Variants in SLC4A4 observed in about 807,000 individuals in gnomAD.
SLC4A4 encodes the protein electrogenic sodium bicarbonate cotransporter 1.
A neutral mutation model predicts 111.5 loss-of-function variants in SLC4A4; 27 were observed. That is an observed-to-expected ratio of 0.24 (90% CI 0.18 to 0.33). The LOEUF (loss-of-function observed/expected upper bound fraction) is 0.33. Among genes scored for constraint, SLC4A4 ranks in the 10% least tolerant of loss-of-function variants. The pLI is 1.00. For synonymous variants in SLC4A4, 443 were observed against 463.4 expected (o/e 0.96, Z 0.57); for missense variants, 909 against 1,315.5 (o/e 0.69, Z 4.78).
At chr4:71,100,318 G>T (rs77871950) in intron 2 of SLC4A4, among the ~76,000 whole-genome samples, 1,940 of 151,216 alleles carry the variant, frequency 0.013, 38 homozygotes, top group East Asian at 0.049. Flanking sequence ...CAATAAATGT[G>T]ATTCATCACA....
At chr4:71,555,644 T>G (rs1736403950) in intron 21 of SLC4A4, among the ~76,000 whole-genome samples, 1 of 151,988 alleles carries the variant, frequency 6.6e-6, no homozygotes, top group South Asian at 2.1e-4. Flanking sequence ...ATCAAAAGTT[T>G]TTTTACCAAT....
chr4:71,181,221 G>C (rs192288800), intron 2 of SLC4A4, among the ~76,000 whole-genome samples: 14 of 115,970 alleles, frequency 1.2e-4, no homozygotes, highest in African/African-American at 4.6e-4. Flanking sequence ...GTTGTGGGGT[G>C]GGGGGAGGGG....
Position 71,570,116 on chromosome 4 carries a change from G to A in SLC4A4, c.*2365G>A, listed in dbSNP as rs886059612. 6.6e-5 allele frequency: 10 copies of A among 151,532 alleles called. No homozygotes were observed. In the East Asian group the frequency reaches 1.9e-3, roughly 29 times the overall value. The allele number at this position is 151,532 out of a possible 1,614,324, so 9.4% of individuals were successfully genotyped here. On this transcript the variant is annotated 3_prime_UTR_variant, in exon 26 of 26. Transcript: ENST00000264485. ...AACCCGTGATCTTCTTAAGTTAAAGGTACTTTTGTTTTATAAAAGCTCTAG... is the reference window on the plus strand; with the variant it reads ...AACCCGTGATCTTCTTAAGTTAAAGATACTTTTGTTTTATAAAAGCTCTAG...
At chr4:71,532,605 A>G (rs1734038454) in intron 17 of SLC4A4, among the ~76,000 whole-genome samples, 1 of 152,100 alleles carries the variant, frequency 6.6e-6, no homozygotes, top group Admixed American at 6.6e-5. Flanking sequence ...TCCTAGGTTC[A>G]AAGAATCCTC....
chr4:71,400,443 T>G (rs538208044), intron 7 of SLC4A4, among the ~76,000 whole-genome samples: 104 of 152,310 alleles, frequency 6.8e-4, no homozygotes, highest in African/African-American at 2.4e-3. Context: ...CATGTTTAGA[T>G]GAAGCGAGGA....
chr4:71,121,799 TTTCGCTCTTTGC>T (rs1743436576), intron 2 of SLC4A4, among the ~76,000 whole-genome samples: 1 of 152,164 alleles, frequency 6.6e-6, no homozygotes, highest in Non-Finnish European at 1.5e-5. Context: ...AGCTTTGTTT[TTTCGCTCTTTGC>T]AATAAATCTC....
At chr4:71,134,681 TAGCATGGCTGAGGGCCTC>T (rs1743796556) in intron 2 of SLC4A4, among the ~76,000 whole-genome samples, 1 of 152,238 alleles carries the variant, frequency 6.6e-6, no homozygotes. Flanking sequence ...TTGCTGTCTT[TAGCATGGCTGAGGGCCTC>T]AGTAGCGCTG....
chr4:71,378,417 G>A (rs149525179), intron 6 of SLC4A4, among the ~76,000 whole-genome samples: 1 of 152,186 alleles, frequency 6.6e-6, no homozygotes, highest in Non-Finnish European at 1.5e-5. Context: ...CACATAATGA[G>A]GGAGGGTTGC....
chr4:71,328,306 C>T (rs1198582432), intron 3 of SLC4A4, among the ~76,000 whole-genome samples: 2 of 152,080 alleles, frequency 1.3e-5, no homozygotes, highest in African/African-American at 4.8e-5. Context: ...GTACAGATAT[C>T]TCTTTGATAT....
chr4:71,208,223 GA>G (rs1268177527), intron 1 of SLC4A4, among the ~76,000 whole-genome samples: 4 of 152,150 alleles, frequency 2.6e-5, no homozygotes, highest in Admixed American at 1.3e-4. Context: ...GAGGTCAGGA[GA>G]TGGAGACCAT....
Position 71,372,490 on chromosome 4 carries a change from G to T in SLC4A4, c.730+15303G>T, listed in dbSNP as rs78979541. ...TACCCTATCTTGCTAGATCCAGAAT[G>T]GCTTTTCACTCTTAGCGCTTATCTG... On this transcript the variant is annotated intron_variant, in intron 6 of 25. Coordinates refer to ENST00000264485, the MANE Select transcript of SLC4A4 (RefSeq NM_001098484.3). 2.3e-3 allele frequency among the ~76,000 whole-genome samples: 346 copies of T among 152,322 alleles called. 3 individuals are homozygous for T. The highest frequency in any genetic ancestry group is 7.9e-3 in the African/African-American group (327 of 41,568).
intron 3 of SLC4A4, among the ~76,000 whole-genome samples, chr4:71,290,701 T>A (rs919738212): frequency 6.6e-6 from 1 of 152,230 alleles, no homozygotes; most frequent in Non-Finnish European, 1.5e-5. Context: ...CAGAAAGGAA[T>A]TGAGGTTAGA....
intron 15 of SLC4A4, among the ~76,000 whole-genome samples, chr4:71,493,030 A>ATTCG (rs1184563020): frequency 6.6e-6 from 1 of 151,888 alleles, no homozygotes; most frequent in Non-Finnish European, 1.5e-5. Context: ...TAAAGGTTAC[A>ATTCG]TTCGTTCATT....
At chr4:71,221,188 A>C (rs1242890950) in intron 1 of SLC4A4, among the ~76,000 whole-genome samples, 1 of 152,180 alleles carries the variant, frequency 6.6e-6, no homozygotes, top group African/African-American at 2.4e-5. Flanking sequence ...TCATGTGCAT[A>C]CGTCTTTATG....
At chr4:71,154,098 A>G (rs1163375735) in intron 2 of SLC4A4, among the ~76,000 whole-genome samples, 1 of 152,210 alleles carries the variant, frequency 6.6e-6, no homozygotes, top group Admixed American at 6.5e-5. Context: ...TAAAAGGTCT[A>G]TGCTGGTCAT....
intron 3 of SLC4A4, among the ~76,000 whole-genome samples, chr4:71,327,944 T>G (rs908416893): frequency 6.6e-6 from 1 of 152,008 alleles, no homozygotes; most frequent in African/African-American, 2.4e-5. Flanking sequence ...AACTATATTT[T>G]TGTACCCATT....
At chr4:71,374,883 C>A (rs532075687) in intron 6 of SLC4A4, among the ~76,000 whole-genome samples, 186 of 152,108 alleles carry the variant, frequency 1.2e-3, no homozygotes, top group African/African-American at 4.3e-3. Context: ...ATCAGACTCT[C>A]CTGCTCATCA....
intron 5 of SLC4A4, among the ~76,000 whole-genome samples, chr4:71,354,455 T>A (rs1275094669): frequency 6.6e-6 from 1 of 152,232 alleles, no homozygotes; most frequent in Admixed American, 6.5e-5. Flanking sequence ...TCCTAGTCAA[T>A]ACTGCAACAT....
chr4:71,273,613 AGGGTGGTTTTGGGTAAAGCC>A (rs1722855104), intron 3 of SLC4A4, among the ~76,000 whole-genome samples: 2 of 151,834 alleles, frequency 1.3e-5, no homozygotes, highest in South Asian at 4.2e-4. Context: ...TACTGATAGT[AGGGTGGTTTTGGGTAAAGCC>A]GACTTGCTCC....
Sources: gnomAD v4.1 joint callset for allele counts (sites outside exome capture counted in the v4.1 genomes callset) on GRCh38, gnomAD v4.1.1 for gene constraint, MANE v1.5 for transcripts, NCBI Gene and HGNC (gene_info 2026-07-23, HGNC 2026-07-21) for gene names.